The following CHRM3 variants were observed in gnomAD, a reference collection of about 807,000 sequenced individuals.
The protein encoded by CHRM3 is cholinergic receptor muscarinic 3, also known as muscarinic acetylcholine receptor M3.
In CHRM3, 11 loss-of-function variants were observed where a neutral mutation model predicts 41.8. The observed-to-expected ratio is 0.26, with a 90% CI of 0.17 to 0.44. The LOEUF (loss-of-function observed/expected upper bound fraction) is 0.44. Ranked by LOEUF, CHRM3 falls within the 20% of genes least tolerant of loss-of-function variation. The pLI, the probability that CHRM3 is intolerant of heterozygous loss-of-function variation, is 1.00. For synonymous variants in CHRM3, 297 were observed against 301.4 expected, an observed-to-expected ratio of 0.99 and a Z score of 0.15; for missense variants, 571 against 745.4, an observed-to-expected ratio of 0.77 and a Z score of 2.72.
chr1:239,696,787 G>C (rs17650222), intron 5 of CHRM3, among the ~76,000 whole-genome samples: 8 of 152,116 alleles, frequency 5.3e-5, no homozygotes, highest in African/African-American at 1.9e-4. Context: ...AATAATACAC[G>C]TTTGCTATAA....
intron 6 of CHRM3, among the ~76,000 whole-genome samples, chr1:239,861,739 T>A (rs149457849): frequency 6.6e-6 from 1 of 152,296 alleles, no homozygotes; most frequent in African/African-American, 2.4e-5. Flanking sequence ...TTTGGAAATT[T>A]CCCTGATAAA....
At position 239,589,027 on chromosome 1, in the gene CHRM3, C is replaced by T. The variant is rs1186393461; in HGVS notation, c.-312-43197C>T. Among the ~76,000 whole-genome samples the T allele has an allele frequency of 2.6e-5, 4 of 151,936 alleles. No homozygotes were observed. The East Asian group carries it at 5.8e-4, about 22-fold the overall frequency. The stretch of plus-strand genomic sequence containing the variant: ...TGGCTCACTGCGACTTCTGCTTCCC[C>T]GGTGCAAGCAGTTCTCCTGCCTCAG... On this transcript the variant is annotated intron_variant, in intron 3 of 6. Transcript: ENST00000676153.
chr1:239,578,029 T>A (rs1662535589), intron 3 of CHRM3, among the ~76,000 whole-genome samples: 1 of 152,334 alleles, frequency 6.6e-6, no homozygotes, highest in East Asian at 1.9e-4. Flanking sequence ...TAATGGTCAA[T>A]GCTGTAAGCC....
intron 1 of CHRM3, among the ~76,000 whole-genome samples, chr1:239,439,843 G>A (rs1027524050): frequency 3.3e-5 from 5 of 152,096 alleles, no homozygotes; most frequent in African/African-American, 1.2e-4. Flanking sequence ...TTGGCACCAT[G>A]TTTTTAGATT....
intron 3 of CHRM3, among the ~76,000 whole-genome samples, chr1:239,603,105 A>G (rs1029605196): frequency 6.6e-6 from 1 of 150,570 alleles, no homozygotes; most frequent in Non-Finnish European, 1.5e-5. Context: ...AGTGGAATAT[A>G]CAATATTTGT....
Position 239,606,737 on chromosome 1 carries a change from G to A in CHRM3, c.-312-25487G>A, listed in dbSNP as rs528304453. ...TCAAAATTACCAGATTCGTAAGATG[G>A]TGTAGGCTAAATAAAAAGCCTAAGG... On this transcript the variant is annotated intron_variant, in intron 3 of 6. Coordinates refer to ENST00000676153, the MANE Select transcript of CHRM3 (RefSeq NM_001375978.1). Among the ~76,000 whole-genome samples the A allele has an allele frequency of 1.6e-4, 24 of 152,308 alleles. No individual in the cohort carries two copies. In the East Asian group the frequency reaches 4.6e-3, roughly 29 times the overall value.
At chr1:239,610,471 G>A (rs764168070) in intron 3 of CHRM3, among the ~76,000 whole-genome samples, 36 of 152,168 alleles carry the variant, frequency 2.4e-4, no homozygotes, top group Non-Finnish European at 8.8e-5. Flanking sequence ...GGGTTATTGG[G>A]TTCTCTCTAA....
chr1:239,467,636 A>T (rs1011250902), intron 1 of CHRM3, among the ~76,000 whole-genome samples: 2 of 152,158 alleles, frequency 1.3e-5, no homozygotes, highest in East Asian at 1.9e-4. Context: ...ACAGATATTT[A>T]AAAAATGGGG....
chr1:239,467,121 C>T (rs1010206848), intron 1 of CHRM3, among the ~76,000 whole-genome samples: 1 of 152,102 alleles, frequency 6.6e-6, no homozygotes, highest in African/African-American at 2.4e-5. Flanking sequence ...CAATATCGTA[C>T]ACTTAGCAGT....
chr1:239,750,134 A>T (rs574404383), intron 5 of CHRM3, among the ~76,000 whole-genome samples: 6 of 152,250 alleles, frequency 3.9e-5, no homozygotes, highest in African/African-American at 1.4e-4. Context: ...TGCTACTTTG[A>T]TCTGTACATA....
chr1:239,525,488 A>G (rs956441811), intron 2 of CHRM3, among the ~76,000 whole-genome samples: 4 of 152,082 alleles, frequency 2.6e-5, no homozygotes, highest in African/African-American at 9.7e-5. Flanking sequence ...TGTAAATCAT[A>G]CATAGTATGA....
At chr1:239,503,616 T>A (rs913806935) in intron 2 of CHRM3, among the ~76,000 whole-genome samples, 1 of 152,116 alleles carries the variant, frequency 6.6e-6, no homozygotes. Context: ...AAAGCAATAC[T>A]AAGCAAAAAG....
intron 5 of CHRM3, among the ~76,000 whole-genome samples, chr1:239,815,625 A>G (rs766399989): frequency 6.6e-6 from 1 of 152,266 alleles, no homozygotes; most frequent in Non-Finnish European, 1.5e-5. Flanking sequence ...AGACTAAAGC[A>G]TAAAGAAAAT....
At chr1:239,806,040 G>C (rs776342591) in intron 5 of CHRM3, among the ~76,000 whole-genome samples, 1 of 152,118 alleles carries the variant, frequency 6.6e-6, no homozygotes, top group African/African-American at 2.4e-5. Context: ...GTCTGTGGGG[G>C]AACCCAGCCG....
chr1:239,847,599 A>G (rs551959660), intron 6 of CHRM3, among the ~76,000 whole-genome samples: 1 of 152,208 alleles, frequency 6.6e-6, no homozygotes, highest in Admixed American at 6.5e-5. Flanking sequence ...AGAGGCTCAC[A>G]CCTGTACTCC....
At chr1:239,627,884 ATGGG>A (rs1669181752) in intron 3 of CHRM3, among the ~76,000 whole-genome samples, 1 of 150,708 alleles carries the variant, frequency 6.6e-6, no homozygotes, top group African/African-American at 2.5e-5. Flanking sequence ...TGTTAGTCTG[ATGGG>A]CTTTCCTTTG....
intron 6 of CHRM3, among the ~76,000 whole-genome samples, chr1:239,861,231 A>T (rs562633525): frequency 1.3e-5 from 2 of 152,320 alleles, no homozygotes; most frequent in South Asian, 2.1e-4. Flanking sequence ...TCACATAAAT[A>T]AACATAAAAA....
At chr1:239,858,629 A>C (rs1461172568) in intron 6 of CHRM3, among the ~76,000 whole-genome samples, 1 of 152,092 alleles carries the variant, frequency 6.6e-6, no homozygotes, top group Non-Finnish European at 1.5e-5. Flanking sequence ...TTAGTCACGA[A>C]TCATTTTAAA....
chr1:239,769,710 A>G (rs1206690633), intron 5 of CHRM3, among the ~76,000 whole-genome samples: 3 of 143,618 alleles, frequency 2.1e-5, no homozygotes, highest in Admixed American at 7.0e-5. Flanking sequence ...AGCGAAACCC[A>G]TCTCTACTAC....
Sources: allele counts gnomAD v4.1 joint callset (sites outside exome capture counted in the v4.1 genomes callset), GRCh38; gene constraint gnomAD v4.1.1; transcripts MANE v1.5; gene names NCBI Gene and HGNC (gene_info 2026-07-23, HGNC 2026-07-21).